RIMS2: variants seen among roughly 807,000 people sequenced by gnomAD.
RIMS2 encodes regulating synaptic membrane exocytosis 2.
In RIMS2, 59 loss-of-function variants were observed where a neutral mutation model predicts 174.4. That is an observed-to-expected ratio of 0.34 (90% confidence interval 0.27 to 0.42). RIMS2 has a LOEUF of 0.42. Ranked by LOEUF, RIMS2 falls within the 10% of genes least tolerant of loss-of-function variation. The pLI, the probability that RIMS2 is intolerant of heterozygous loss-of-function variation, is 1.00. For synonymous variants in RIMS2, 606 were observed against 572.5 expected, an observed-to-expected ratio of 1.06 and a Z score of -0.84; for missense variants, 1,620 against 1,666.3, an observed-to-expected ratio of 0.97 and a Z score of 0.48.
chr8:103,520,987 C>T (rs928713993), intron 1 of RIMS2, among the ~76,000 whole-genome samples: 2 of 151,752 alleles, frequency 1.3e-5, no homozygotes, highest in African/African-American at 4.8e-5. Flanking sequence ...CATCCATGTC[C>T]CTACAAAGGA....
intron 1 of RIMS2, among the ~76,000 whole-genome samples, chr8:103,595,950 A>G (rs115380749): frequency 7.8e-4 from 118 of 152,010 alleles, no homozygotes; most frequent in African/African-American, 2.7e-3. Flanking sequence ...GTTACTTTCA[A>G]TATTTCTCTC....
At chr8:104,052,916 A>G (rs2096810733) in intron 19 of RIMS2, among the ~76,000 whole-genome samples, 1 of 152,224 alleles carries the variant, frequency 6.6e-6, no homozygotes, top group African/African-American at 2.4e-5. Flanking sequence ...AAATCAGCTG[A>G]GAAAGATGAG....
intron 19 of RIMS2, among the ~76,000 whole-genome samples, chr8:104,083,692 G>A (rs540466301): frequency 6.6e-6 from 1 of 152,246 alleles, no homozygotes; most frequent in African/African-American, 2.4e-5. Flanking sequence ...GTTTAGATTA[G>A]CAGCAGGCAT....
At chr8:103,557,190 T>C (rs1214392015) in intron 1 of RIMS2, among the ~76,000 whole-genome samples, 1 of 152,224 alleles carries the variant, frequency 6.6e-6, no homozygotes, top group Non-Finnish European at 1.5e-5. Flanking sequence ...GTCTCTCTTC[T>C]TTTTACTCAT....
At chr8:103,707,052 A>G (rs1479954042) in intron 2 of RIMS2, among the ~76,000 whole-genome samples, 3 of 152,090 alleles carry the variant, frequency 2.0e-5, no homozygotes, top group East Asian at 1.9e-4. Context: ...TCCTTCATCA[A>G]TTCCACACGG....
rs150807222 is a variant in RIMS2 at position 103,995,575 on chromosome 8, C to T, written c.3044+6154C>T. 3.9e-3 allele frequency among the ~76,000 whole-genome samples: 589 copies of T among 151,846 alleles called. 5 individuals carry two copies. The highest frequency in any genetic ancestry group is 4.8e-3 in the Non-Finnish European group (324 of 67,864). ...AGAGAATCTTAGGTAGTCTGTTGTA[C>T]CTAGATAAGAGGTAGTGGTATGGGG... On this transcript the variant is annotated intron_variant, in intron 17 of 23. Coordinates refer to ENST00000504942, the Ensembl canonical transcript of RIMS2.
At chr8:104,047,103 A>G (rs948086052) in intron 19 of RIMS2, among the ~76,000 whole-genome samples, 3 of 152,076 alleles carry the variant, frequency 2.0e-5, no homozygotes, top group Admixed American at 1.3e-4. Flanking sequence ...TTGGGACTCA[A>G]AAGAGTAAGG....
intron 3 of RIMS2, among the ~76,000 whole-genome samples, chr8:103,804,762 T>C (rs1240339307): frequency 6.6e-6 from 1 of 152,192 alleles, no homozygotes; most frequent in Non-Finnish European, 1.5e-5. Flanking sequence ...GAGGAGTTTT[T>C]AAACTGTAGT....
intron 19 of RIMS2, among the ~76,000 whole-genome samples, chr8:104,205,054 A>G (rs936178812): frequency 2.6e-5 from 4 of 152,170 alleles, no homozygotes; most frequent in Non-Finnish European, 5.9e-5. Flanking sequence ...TTGGTGACAT[A>G]CTAAAGTGAG....
At position 103,582,798 on chromosome 8, in the gene RIMS2, G is replaced by A. The variant is rs555876607; in HGVS notation, c.176+81736G>A. Among the ~76,000 whole-genome samples the A allele has an allele frequency of 1.1e-4, 17 of 152,290 alleles. No homozygotes were observed. The South Asian group carries it at 2.9e-3, about 26-fold the overall frequency. ...ATAGAACACCAGGTAGACTTCTAAGGTTTTTGACTCTAGTCCCTGGCCCCC... is the reference window on the plus strand; with the variant it reads ...ATAGAACACCAGGTAGACTTCTAAGATTTTTGACTCTAGTCCCTGGCCCCC... On this transcript the variant is annotated intron_variant, in intron 1 of 23. Transcript: ENST00000504942.
intron 1 of RIMS2, among the ~76,000 whole-genome samples, chr8:103,531,988 T>C (rs929073877): frequency 1.3e-5 from 2 of 152,224 alleles, no homozygotes; most frequent in Non-Finnish European, 2.9e-5. Context: ...AATTTAGGCA[T>C]GAATTATATG....
At chr8:103,944,472 C>A (rs1009290102) in intron 14 of RIMS2, among the ~76,000 whole-genome samples, 1 of 151,884 alleles carries the variant, frequency 6.6e-6, no homozygotes, top group Non-Finnish European at 1.5e-5. Flanking sequence ...TCTTTTCATT[C>A]GGGACTGGCC....
At chr8:103,536,064 G>T (rs1210997613) in intron 1 of RIMS2, among the ~76,000 whole-genome samples, 1 of 152,168 alleles carries the variant, frequency 6.6e-6, no homozygotes, top group East Asian at 1.9e-4. Context: ...TAATAAAATA[G>T]TAGTTTGGGT....
At chr8:104,140,905 G>T (rs1167200739) in intron 19 of RIMS2, among the ~76,000 whole-genome samples, 1 of 152,168 alleles carries the variant, frequency 6.6e-6, no homozygotes, top group Non-Finnish European at 1.5e-5. Context: ...AAATAAAGTA[G>T]CTGAAATCAT....
intron 1 of RIMS2, among the ~76,000 whole-genome samples, chr8:103,538,496 C>A (rs59802767): frequency 0.13 from 18,723 of 143,964 alleles, 1,271 homozygotes; most frequent in Middle Eastern, 0.23. Context: ...ACTCTTCCCC[C>A]CCAAGTCCCC....
chr8:103,529,421 C>T lies in RIMS2; in HGVS notation c.176+28359C>T, dbSNP rs533190765. Among the ~76,000 whole-genome samples, 11 of 152,288 alleles carry T rather than the reference C, an allele frequency of 7.2e-5. No individual in the cohort carries two copies. In the South Asian group the frequency reaches 1.9e-3, roughly 26 times the overall value. On this transcript the variant is annotated intron_variant, in intron 1 of 23. Coordinates refer to ENST00000504942, the Ensembl canonical transcript of RIMS2. The stretch of plus-strand genomic sequence containing the variant: ...GAGGCTCCGTGGGTGTGGAACCCTC[C>T]GAGCCATGCGCGGGATATAATCTCC...
At chr8:103,798,417 T>C (rs780754998) in intron 3 of RIMS2, among the ~76,000 whole-genome samples, 14 of 152,084 alleles carry the variant, frequency 9.2e-5, no homozygotes, top group Non-Finnish European at 1.8e-4. Context: ...GATACAGCAT[T>C]GTGTAAAAAT....
chr8:104,014,863 T>C (rs2154554109), intron 19 of RIMS2, among the ~76,000 whole-genome samples: 1 of 152,304 alleles, frequency 6.6e-6, no homozygotes, highest in Admixed American at 6.5e-5. Context: ...TCTTAAAAAG[T>C]AAACAATACT....
At chr8:104,164,672 G>A (rs1295362230) in intron 19 of RIMS2, among the ~76,000 whole-genome samples, 6 of 152,120 alleles carry the variant, frequency 3.9e-5, no homozygotes, top group African/African-American at 1.4e-4. Context: ...GGAGCTGGAG[G>A]CCACTATCCT....
Sources: gnomAD v4.1 joint callset for allele counts (sites outside exome capture counted in the v4.1 genomes callset) on GRCh38, gnomAD v4.1.1 for gene constraint, MANE v1.5 for transcripts, NCBI Gene and HGNC (gene_info 2026-07-23, HGNC 2026-07-21) for gene names.